Variants in USP13 observed in about 807,000 individuals in gnomAD.
USP13 encodes the protein ubiquitin specific peptidase 13.
A neutral mutation model predicts 107.8 loss-of-function variants in USP13; 68 were observed. The observed-to-expected ratio is 0.63, with a 90% CI of 0.52 to 0.77. The LOEUF is 0.77. Among genes scored for constraint, USP13 ranks in the 30% least tolerant of loss-of-function variants. USP13 has a pLI of 0.00. For synonymous variants in USP13, 377 were observed against 389.5 expected (o/e 0.97, Z 0.38); for missense variants, 945 against 1,093.3 (o/e 0.86, Z 1.91).
intron 19 of USP13, among the ~76,000 whole-genome samples, chr3:179,774,703 G>C (rs1715460376): frequency 6.6e-6 from 1 of 152,194 alleles, no homozygotes; most frequent in Non-Finnish European, 1.5e-5. Flanking sequence ...CCACAGTTTG[G>C]AAGGGGACCC....
intron 3 of USP13, among the ~76,000 whole-genome samples, chr3:179,700,082 C>T (rs1381923720): frequency 3.9e-5 from 6 of 151,920 alleles, no homozygotes; most frequent in African/African-American, 1.5e-4. Context: ...TGCTGGCATC[C>T]CTGTGAAAGT....
At chr3:179,694,672 A>G (rs894829483) in intron 3 of USP13, among the ~76,000 whole-genome samples, 2 of 152,066 alleles carry the variant, frequency 1.3e-5, no homozygotes, top group Non-Finnish European at 2.9e-5. Context: ...ATGGTGGCAC[A>G]TGACTGTAAT....
rs1284383481 is a variant in USP13, at chr3:179,721,490, T to C, written c.989T>C (p.Met330Thr). ...IQESGTKLKP[M>T]YGPGYTGLKN... The stretch of plus-strand genomic sequence containing the variant: ...GAGTCGGGCACGAAACTGAAGCCAA[T>C]GTATGGTCCTGGCTACACGGGTCTG... The change falls in exon 8 of 21, where the codon ATG (methionine) becomes ACG (threonine). Residue 330 changes from methionine to threonine, a missense_variant. Transcript: ENST00000263966. The surrounding 1 kb of genome is among the most constrained non-coding windows in gnomAD (Gnocchi z 4.3). 1.2e-6 allele frequency: 2 copies of C among 1,614,066 alleles called. No individual in the cohort carries two copies. The highest frequency in any genetic ancestry group is 1.3e-5 in the African/African-American group (1 of 75,014).
intron 19 of USP13, among the ~76,000 whole-genome samples, chr3:179,777,476 A>G (rs1180218483): frequency 7.3e-6 from 1 of 136,912 alleles, no homozygotes; most frequent in Admixed American, 7.9e-5. Flanking sequence ...TTTTTGAGAC[A>G]GAGTCTCATT....
intron 1 of USP13, among the ~76,000 whole-genome samples, chr3:179,671,050 C>G (rs542460141): frequency 6.6e-6 from 1 of 151,952 alleles, no homozygotes; most frequent in Admixed American, 6.6e-5. Flanking sequence ...ATCTGGAGTT[C>G]GAGACCAGTC....
chr3:179,679,776 G>C (rs1196110404), intron 1 of USP13, among the ~76,000 whole-genome samples: 1 of 148,048 alleles, frequency 6.8e-6, no homozygotes, highest in African/African-American at 2.5e-5. Flanking sequence ...GTGAACTTGG[G>C]TAAGTGACCT....
chr3:179,671,425 A>T (rs1379693137), intron 1 of USP13, among the ~76,000 whole-genome samples: 1 of 152,206 alleles, frequency 6.6e-6, no homozygotes, highest in Non-Finnish European at 1.5e-5. Context: ...AGAGAAATTT[A>T]AAAATACCAG....
chr3:179,737,120 G>A (rs911190339), intron 10 of USP13, among the ~76,000 whole-genome samples: 1 of 152,180 alleles, frequency 6.6e-6, no homozygotes, highest in African/African-American at 2.4e-5. Context: ...GACTCTTGAT[G>A]TGTTGTCTTC....
In USP13 at chr3:179,680,821, A is replaced by G. The variant is rs1711625852; in HGVS notation, c.169-1057A>G. Among the ~76,000 whole-genome samples, 4 of 147,036 alleles carry G rather than the reference A, an allele frequency of 2.7e-5. 1 individual carries two copies. Among genetic ancestry groups the G allele is most frequent in the African/African-American group, 1.0e-4 (4 of 40,006 alleles). On this transcript the variant is annotated intron_variant, in intron 1 of 20. Transcript: ENST00000263966. ...CTCCCAAAGTGCTGGGATTACAGGC[A>G]TGAGTCACCGTGCCCGGCGCTACAT...
At chr3:179,673,774 G>A (rs13064042) in intron 1 of USP13, among the ~76,000 whole-genome samples, 34,669 of 152,122 alleles carry the variant, frequency 0.23, 4,465 homozygotes, top group East Asian at 0.4. Flanking sequence ...CCTGGCGGGT[G>A]AGACACTCTT....
chr3:179,783,925 C>A, intron 20 of USP13, 123 bp from the exon 21 acceptor site: 2 of 633,926 alleles, frequency 3.2e-6, no homozygotes, highest in Non-Finnish European at 5.3e-6. Context: ...ATACAACGAA[C>A]TTGAGTATAG....
chr3:179,762,622 G>A (rs1442880362), intron 17 of USP13, among the ~76,000 whole-genome samples: 1 of 151,872 alleles, frequency 6.6e-6, no homozygotes, highest in Non-Finnish European at 1.5e-5. Context: ...CTATTTTATG[G>A]GTATACTATA....
At chr3:179,773,930 CT>C (rs968669179) in intron 19 of USP13, among the ~76,000 whole-genome samples, 3 of 151,960 alleles carry the variant, frequency 2.0e-5, no homozygotes, top group African/African-American at 7.3e-5. Flanking sequence ...AATATGAGAT[CT>C]TTAATCAGTA....
At chr3:179,669,243 C>G (rs79061231) in intron 1 of USP13, among the ~76,000 whole-genome samples, 7,353 of 152,254 alleles carry the variant, frequency 0.048, 304 homozygotes, top group African/African-American at 0.1. Flanking sequence ...AGCAGATCAC[C>G]TGAGGTCAGG....
At chr3:179,657,830 G>A (rs1244302876) in intron 1 of USP13, among the ~76,000 whole-genome samples, 1 of 151,774 alleles carries the variant, frequency 6.6e-6, no homozygotes, top group Non-Finnish European at 1.5e-5. Context: ...CAAGAGTCTG[G>A]TTGTCAGGGG....
intron 8 of USP13, among the ~76,000 whole-genome samples, chr3:179,722,219 T>A (rs918628362): frequency 3.9e-5 from 6 of 152,178 alleles, no homozygotes; most frequent in Non-Finnish European, 8.8e-5. Flanking sequence ...CTCCTATAGA[T>A]GCGCTAGGAG....
intron 8 of USP13, among the ~76,000 whole-genome samples, chr3:179,722,288 G>T (rs1051261302): frequency 6.6e-6 from 1 of 152,106 alleles, no homozygotes; most frequent in African/African-American, 2.4e-5. Flanking sequence ...TTTCCTGAAG[G>T]ATTTAGGGCT....
chr3:179,677,613 C>T (rs1711516009), intron 1 of USP13, among the ~76,000 whole-genome samples: 1 of 151,936 alleles, frequency 6.6e-6, no homozygotes, highest in Non-Finnish European at 1.5e-5. Context: ...AATAAATTTC[C>T]ATCAGATTCC....
intron 1 of USP13, among the ~76,000 whole-genome samples, chr3:179,667,676 C>G (rs1038553206): frequency 6.6e-6 from 1 of 152,028 alleles, no homozygotes; most frequent in Non-Finnish European, 1.5e-5. Context: ...GACAGAGTTT[C>G]GCTCTTCTTG....
Sources: allele counts gnomAD v4.1 joint callset (sites outside exome capture counted in the v4.1 genomes callset), GRCh38; gene constraint gnomAD v4.1.1; non-coding constraint Gnocchi (gnomAD v3.1); transcripts MANE v1.5; gene names NCBI Gene and HGNC (gene_info 2026-07-23, HGNC 2026-07-21).